Variants in IQGAP2 observed in about 807,000 individuals in gnomAD.
The protein encoded by IQGAP2 is ras GTPase-activating-like protein IQGAP2.
In IQGAP2, 173 loss-of-function variants were observed where a neutral mutation model predicts 201.3. The observed-to-expected ratio is 0.86, with a 90% CI of 0.76 to 0.98. The LOEUF is 0.98. IQGAP2 is among the 50% of genes least tolerant of loss of function. IQGAP2 has a pLI of 0.00. For synonymous variants in IQGAP2, 675 were observed against 673.9 expected (o/e 1.00, Z -0.03); for missense variants, 1,687 against 1,864.8 (o/e 0.90, Z 1.76).
chr5:76,469,109 A>G (rs1754967120), intron 2 of IQGAP2, among the ~76,000 whole-genome samples: 1 of 152,234 alleles, frequency 6.6e-6, no homozygotes, highest in Admixed American at 6.5e-5. Flanking sequence ...GCCTAGCGGT[A>G]ATCTTTGTTT....
chr5:76,626,561 A>G (rs1750256919), intron 13 of IQGAP2, among the ~76,000 whole-genome samples: 1 of 152,080 alleles, frequency 6.6e-6, no homozygotes, highest in Admixed American at 6.6e-5. Context: ...GTAAGCCACC[A>G]TGCCCAGCTA....
intron 5 of IQGAP2, among the ~76,000 whole-genome samples, chr5:76,585,503 C>CT (rs1297928783): frequency 2.7e-4 from 41 of 149,686 alleles, no homozygotes; most frequent in African/African-American, 9.4e-4. Flanking sequence ...ATTCTCATTT[C>CT]TTTTTTTCTT....
At chr5:76,560,670 C>A (rs1308663913) in intron 2 of IQGAP2, among the ~76,000 whole-genome samples, 1 of 152,182 alleles carries the variant, frequency 6.6e-6, no homozygotes, top group Admixed American at 6.5e-5. Flanking sequence ...TTATATCCTA[C>A]CATGTAGCAT....
In IQGAP2 at chr5:76,509,390, A is replaced by G. The variant is rs573147773; in HGVS notation, c.146+47721A>G. ...ACTTGCCAATTTGTTTTTTGTTTGC[A>G]ATTCCTTGTCCTTTTTTTTTTTTTG... On this transcript the variant is annotated intron_variant, in intron 2 of 35. Coordinates refer to ENST00000274364, the MANE Select transcript of IQGAP2 (RefSeq NM_006633.5). Among the ~76,000 whole-genome samples, 5 of 151,194 alleles carry G rather than the reference A, an allele frequency of 3.3e-5. No homozygotes were observed. The South Asian group carries it at 6.3e-4, about 19-fold the overall frequency.
intron 30 of IQGAP2, among the ~76,000 whole-genome samples, chr5:76,685,803 T>TA (rs1204327067): frequency 4.6e-5 from 7 of 152,246 alleles, no homozygotes; most frequent in Non-Finnish European, 1.0e-4. Flanking sequence ...ACATAAAACT[T>TA]ACCATTTCAG....
At chr5:76,550,619 G>C (rs1438191222) in intron 2 of IQGAP2, among the ~76,000 whole-genome samples, 1 of 152,106 alleles carries the variant, frequency 6.6e-6, no homozygotes. Context: ...CCCTTAATCC[G>C]TTTAACTCTG....
At chr5:76,699,122 G>A (rs13154915) in intron 33 of IQGAP2, among the ~76,000 whole-genome samples, 49,897 of 151,680 alleles carry the variant, frequency 0.33, 8,343 homozygotes, top group Non-Finnish European at 0.35. Flanking sequence ...TCATCTCCCC[G>A]TTTCCCCCAC....
At chr5:76,569,305 T>C (rs922875489) in intron 3 of IQGAP2, among the ~76,000 whole-genome samples, 3 of 152,208 alleles carry the variant, frequency 2.0e-5, no homozygotes, top group Non-Finnish European at 4.4e-5. Context: ...TTTCCATATC[T>C]TTAAAAAATA....
intron 14 of IQGAP2, among the ~76,000 whole-genome samples, chr5:76,628,338 A>C (rs1160406013): frequency 6.6e-6 from 1 of 152,200 alleles, no homozygotes; most frequent in African/African-American, 2.4e-5. Flanking sequence ...TGATGAATAG[A>C]ATATTAGCTC....
intron 14 of IQGAP2, among the ~76,000 whole-genome samples, chr5:76,631,244 A>G (rs3797405): frequency 0.35 from 53,900 of 151,998 alleles, 9,574 homozygotes; most frequent in East Asian, 0.4. Flanking sequence ...TAGGCAACCA[A>G]GAGTTTAATG....
At chr5:76,516,976 G>A (rs1377532658) in intron 2 of IQGAP2, among the ~76,000 whole-genome samples, 1 of 152,122 alleles carries the variant, frequency 6.6e-6, no homozygotes, top group Non-Finnish European at 1.5e-5. Flanking sequence ...GCAAGATAGT[G>A]GCCCCCTTTC....
intron 32 of IQGAP2, among the ~76,000 whole-genome samples, chr5:76,697,366 G>A (rs1048396607): frequency 6.6e-6 from 1 of 152,206 alleles, no homozygotes; most frequent in Non-Finnish European, 1.5e-5. Flanking sequence ...TGAAGAGGCT[G>A]GGCACAATGT....
chr5:76,458,859 C>T lies in IQGAP2; in HGVS notation c.47-2711C>T, dbSNP rs898763372. On this transcript the variant is annotated intron_variant, in intron 1 of 35. Transcript: ENST00000274364. Reference sequence around the variant, plus strand: ...TTTGGAGCCCTTTGGGAGCCTTTCCCGATAAGATATTTTATTTTTTCATCA... The same window carrying T: ...TTTGGAGCCCTTTGGGAGCCTTTCCTGATAAGATATTTTATTTTTTCATCA... Among the ~76,000 whole-genome samples, 8 of 152,196 alleles carry T rather than the reference C, an allele frequency of 5.3e-5. No homozygotes were observed. In the East Asian group the frequency reaches 9.6e-4, roughly 18 times the overall value.
rs79163509 is a variant in IQGAP2 at position 76,446,907 on chromosome 5, C to G, written c.47-14663C>G. ...CTGGTTCCTCTCTGGCCTGTGTTTT[C>G]CCTCTGGCCTGTGTTTTCCCTCTTG... On this transcript the variant is annotated intron_variant, in intron 1 of 35. Coordinates refer to ENST00000274364, the MANE Select transcript of IQGAP2 (RefSeq NM_006633.5). Among the ~76,000 whole-genome samples the G allele has an allele frequency of 8.4e-4, 127 of 152,060 alleles. 1 individual carries two copies. Among genetic ancestry groups the G allele is most frequent in the African/African-American group, 2.9e-3 (120 of 41,350 alleles).
chr5:76,494,723 T>C (rs991859746), intron 2 of IQGAP2, among the ~76,000 whole-genome samples: 4 of 152,212 alleles, frequency 2.6e-5, no homozygotes, highest in Admixed American at 6.5e-5. Flanking sequence ...GCCTGTTTTT[T>C]TCCTGTGCAC....
intron 11 of IQGAP2, among the ~76,000 whole-genome samples, chr5:76,603,983 T>G (rs1259028179): frequency 2.0e-5 from 3 of 152,154 alleles, no homozygotes; most frequent in Non-Finnish European, 4.4e-5. Flanking sequence ...AAAAAAATTT[T>G]TTTTTATTAT....
chr5:76,450,914 A>G (rs1753698879), intron 1 of IQGAP2, among the ~76,000 whole-genome samples: 1 of 152,092 alleles, frequency 6.6e-6, no homozygotes, highest in African/African-American at 2.4e-5. Flanking sequence ...GTTTTTGGCA[A>G]TCTTTTTTAA....
intron 20 of IQGAP2, among the ~76,000 whole-genome samples, chr5:76,656,225 G>T (rs891511112): frequency 3.3e-5 from 5 of 150,354 alleles, no homozygotes; most frequent in African/African-American, 9.7e-5. Flanking sequence ...TTTGTTTTTT[G>T]TTTTTTTTTT....
At chr5:76,669,882 G>A (rs1744141052) in intron 23 of IQGAP2, among the ~76,000 whole-genome samples, 1 of 152,156 alleles carries the variant, frequency 6.6e-6, no homozygotes, top group Admixed American at 6.5e-5. Flanking sequence ...GAGTGCAATG[G>A]CATGATCTCA....
Sources: allele counts gnomAD v4.1 joint callset (sites outside exome capture counted in the v4.1 genomes callset), GRCh38; gene constraint gnomAD v4.1.1; transcripts MANE v1.5; gene names NCBI Gene and HGNC (gene_info 2026-07-23, HGNC 2026-07-21).